PRRC2C: variants seen among roughly 807,000 people sequenced by gnomAD.
PRRC2C encodes the protein proline rich coiled-coil 2C, also known as protein PRRC2C.
In PRRC2C, 72 loss-of-function variants were observed where a neutral mutation model predicts 317.2. That is an observed-to-expected ratio of 0.23 (90% CI 0.19 to 0.28). The LOEUF (loss-of-function observed/expected upper bound fraction) is 0.28, where lower values mean the gene tolerates loss of function less well. Ranked by LOEUF, PRRC2C falls within the 10% of genes least tolerant of loss-of-function variation. The pLI is 1.00. For missense variants in PRRC2C, 3,074 were observed against 3,459.7 expected (o/e 0.89, Z 2.80); for synonymous variants, 1,296 against 1,205.9 (o/e 1.07, Z -1.55).
At chr1:171,577,367 A>G in intron 25 of PRRC2C, 67 bp from the exon 26 acceptor site, 1 of 1,370,186 alleles carries the variant, frequency 7.3e-7, no homozygotes, top group Non-Finnish European at 1.0e-6. Flanking sequence ...TCTGGTTGGT[A>G]CTGTGAACAA....
At chr1:171,579,728 T>C in intron 27 of PRRC2C, 100 bp from the exon 28 acceptor site, 1 of 1,371,924 alleles carries the variant, frequency 7.3e-7, no homozygotes, top group Non-Finnish European at 9.7e-7. Flanking sequence ...ATAGTATTAA[T>C]TTTACTCTTT....
intron 30 of PRRC2C, among the ~76,000 whole-genome samples, chr1:171,586,591 TTTTATTTTG>T: frequency 7.3e-6 from 1 of 137,214 alleles, no homozygotes; most frequent in African/African-American, 2.8e-5. Context: ...TTTTATTTTA[TTTTATTTTG>T]AGACAGAGTC....
intron 9 of PRRC2C, 98 bp from the exon 10 acceptor site, chr1:171,524,723 A>C: frequency 1.6e-6 from 2 of 1,260,004 alleles, no homozygotes; most frequent in Non-Finnish European, 1.1e-6. Context: ...TTCCCCCCCC[A>C]GAAACCATAC....
intron 18 of PRRC2C, among the ~76,000 whole-genome samples, chr1:171,554,368 C>G (rs540234052): frequency 7.9e-5 from 12 of 152,100 alleles, no homozygotes; most frequent in African/African-American, 2.7e-4. Context: ...TGTCTCTGTA[C>G]GTGAGATGGG....
intron 32 of PRRC2C, among the ~76,000 whole-genome samples, 154 bp from the exon 33 acceptor site, chr1:171,588,225 T>A (rs1327477642): frequency 6.6e-6 from 1 of 152,200 alleles, no homozygotes; most frequent in Non-Finnish European, 1.5e-5. Context: ...GCTCCTCCAA[T>A]GTCTCTCTTC....
chr1:171,591,601 A>C lies in PRRC2C; in HGVS notation c.8451A>C (p.Ala2817=). 6.2e-7 allele frequency: 1 copy of C among 1,613,776 alleles called. No homozygotes were observed. The highest frequency in any genetic ancestry group is 8.5e-7 in the Non-Finnish European group (1 of 1,179,722). The change falls in exon 35 of 35, where the codon GCA becomes GCC. Residue 2817 remains alanine (A), a synonymous_variant. Transcript: ENST00000647382. Reference sequence around the variant, plus strand: ...CATTTTTTAAGGCAAAGCAGAGAGCAGAGGTTCTTCAGTCCACGCAACGGT... The same window carrying C: ...CATTTTTTAAGGCAAAGCAGAGAGCCGAGGTTCTTCAGTCCACGCAACGGT... ...AEQDMKAKQR[A]EVLQSTQRFF...
chr1:171,555,063 A>G (rs914151222), intron 18 of PRRC2C, among the ~76,000 whole-genome samples: 3 of 152,214 alleles, frequency 2.0e-5, no homozygotes, highest in African/African-American at 7.2e-5. Context: ...ATGTTTTCCA[A>G]CTTGGTTCCA....
In PRRC2C at chr1:171,587,068, A is replaced by C; in HGVS notation, c.7815A>C (p.Leu2605=). Residue 2605 remains leucine (L), a synonymous_variant, in exon 31 of 35, where the codon CTA becomes CTC. Transcript: ENST00000647382. Reference sequence around the variant, plus strand: ...ATTTTGGATCTACAGGGCAACCTCTAATTGCTTTGCCTCAGACTCTTCAGC... The same window carrying C: ...ATTTTGGATCTACAGGGCAACCTCTCATTGCTTTGCCTCAGACTCTTCAGC... ...LPNFGSTGQP[L]IALPQTLQPP... The C allele has an allele frequency of 1.2e-6, 2 of 1,612,156 alleles. No individual in the cohort carries two copies. Among genetic ancestry groups the C allele is most frequent in the Non-Finnish European group, 8.5e-7 (1 of 1,179,160 alleles).
chr1:171,527,645 A>G (rs1273047368), intron 10 of PRRC2C, 146 bp from the exon 11 acceptor site: 6 of 597,108 alleles, frequency 1.0e-5, no homozygotes, highest in South Asian at 2.1e-5. Context: ...AATCCCAGGT[A>G]TTTAGCAGGC....
intron 1 of PRRC2C, among the ~76,000 whole-genome samples, chr1:171,495,692 C>G (rs2102071457): frequency 6.6e-6 from 1 of 152,226 alleles, no homozygotes; most frequent in East Asian, 1.9e-4. Flanking sequence ...GATGCTGATT[C>G]ACTTGGAACT....
intron 20 of PRRC2C, 83 bp from the exon 21 acceptor site, chr1:171,566,150 G>A (rs1040057636): frequency 2.6e-5 from 29 of 1,103,144 alleles, no homozygotes; most frequent in Non-Finnish European, 3.4e-5. Context: ...ACCTTCTATT[G>A]TACTTAAACT....
rs536056910 is a variant in PRRC2C, at chr1:171,541,832, G to A, written c.4366G>A (p.Ala1456Thr). 6.2e-7 allele frequency: 1 copy of A among 1,613,916 alleles called. No individual in the cohort carries two copies. Among genetic ancestry groups the A allele is most frequent in the African/African-American group, 1.3e-5 (1 of 75,044 alleles). The change falls in exon 16 of 35, where the codon GCA (alanine) becomes ACA (threonine). Residue 1456 changes from alanine to threonine, a missense_variant. Ala to Thr is a moderately conservative substitution (Grantham distance 58). This residue lies in a region of PRRC2C where 1,320 missense variants were observed against 1,395.7 expected (regional missense o/e 0.95). Transcript: ENST00000647382. This position sits in a 1 kb window ranked among gnomAD's most constrained non-coding sequence, Gnocchi z 4.1. ...TGCTTCAAAATCAAATGAGGTGGTA[G>A]CAGTGCCCACAAATGGCACAGTTAA... ...EAASKSNEVV[A>T]VPTNGTVNNV... is the part of the protein sequence containing the mutation.
chr1:171,566,475 A>G, intron 21 of PRRC2C, 54 bp downstream of exon 21: 9 of 1,498,054 alleles, frequency 6.0e-6, no homozygotes, highest in Non-Finnish European at 8.0e-6. Context: ...TGACATGAAG[A>G]GCAAATAATA....
intron 25 of PRRC2C, among the ~76,000 whole-genome samples, chr1:171,575,472 T>G (rs1685541502): frequency 6.6e-6 from 1 of 152,246 alleles, no homozygotes; most frequent in African/African-American, 2.4e-5. Flanking sequence ...GGCCTAAACC[T>G]GTTGGGATAA....
chr1:171,532,030 C>G, intron 11 of PRRC2C, among the ~76,000 whole-genome samples: 1 of 152,182 alleles, frequency 6.6e-6, no homozygotes. Context: ...TCCTTTGTCT[C>G]TAAATTTAGA....
chr1:171,524,067 C>T (rs542144807), intron 9 of PRRC2C, among the ~76,000 whole-genome samples: 1 of 152,056 alleles, frequency 6.6e-6, no homozygotes, highest in South Asian at 2.1e-4. Flanking sequence ...ATGCTTGGCA[C>T]CTAGTTTGGA....
rs373198170 is a variant in PRRC2C at position 171,514,594 on chromosome 1, G to A, written c.349G>A (p.Ala117Thr). 5.0e-5 allele frequency: 78 copies of A among 1,562,294 alleles called. No homozygotes were observed. Among genetic ancestry groups the A allele is most frequent in the Non-Finnish European group, 6.8e-5 (78 of 1,153,334 alleles). The change falls in exon 4 of 35, where the codon GCA (alanine) becomes ACA (threonine). Residue 117 changes from alanine (A) to threonine (T), a missense_variant. Ala to Thr is a moderately conservative substitution (Grantham distance 58). Transcript: ENST00000647382. The part of the protein sequence containing the change: ...KPGVAAPPEV[A>T]PAPKSWASNK... ...TGGGGTTGCAGCTCCCCCAGAAGTA[G>A]CACCTGCTCCCAAATCATGGGCCAG...
rs188139823 is a variant in PRRC2C, at chr1:171,497,523, A to T, written c.-58+11788A>T. ...TACTCTGTCTATTGCCGAGGCTGTA[A>T]TACAGTGGCACAGTCATGGCTCACT... On this transcript the variant is annotated intron_variant, in intron 1 of 34. Transcript: ENST00000647382. Among the ~76,000 whole-genome samples, 11 of 152,124 alleles carry T rather than the reference A, an allele frequency of 7.2e-5. No homozygotes were observed. In the East Asian group the frequency reaches 1.9e-3, roughly 27 times the overall value.
chr1:171,528,608 G>C (rs1245785215), intron 11 of PRRC2C, among the ~76,000 whole-genome samples: 1 of 151,984 alleles, frequency 6.6e-6, no homozygotes, highest in Non-Finnish European at 1.5e-5. Context: ...TTCTTTTAGT[G>C]AACTATTTAT....
Sources: allele counts gnomAD v4.1 joint callset (sites outside exome capture counted in the v4.1 genomes callset), GRCh38; gene constraint gnomAD v4.1.1; regional missense constraint gnomAD v4.1.1; non-coding constraint Gnocchi (gnomAD v3.1); transcripts MANE v1.5; gene names NCBI Gene and HGNC (gene_info 2026-07-23, HGNC 2026-07-21).